Variants in SLC38A12 observed in about 807,000 individuals in gnomAD.
SLC38A12 encodes solute carrier family 38 member 12.
chr17:74,838,902 C>A, the SLC38A12 span: 1 of 1,535,684 alleles, frequency 6.5e-7, no homozygotes, highest in South Asian at 1.2e-5. Flanking sequence ...CCCCCGGGGT[C>A]AGTGATGGGA....
At chr17:74,817,093 GT>G in the SLC38A12 span, among the ~76,000 whole-genome samples, 1 of 148,108 alleles carries the variant, frequency 6.8e-6, no homozygotes, top group African/African-American at 2.5e-5. Flanking sequence ...CTCATCCTTT[GT>G]CACTCCGGAT....
At chr17:74,783,086 C>T in the SLC38A12 span, among the ~76,000 whole-genome samples, 1 of 152,170 alleles carries the variant, frequency 6.6e-6, no homozygotes, top group African/African-American at 2.4e-5. Flanking sequence ...GCCAAGAGCA[C>T]GCCACTGCAC....
At chr17:74,836,835 T>C in the SLC38A12 span, 1 of 1,403,272 alleles carries the variant, frequency 7.1e-7, no homozygotes, top group Non-Finnish European at 9.2e-7. The surrounding 1 kb of genome is among the most constrained non-coding windows in gnomAD (Gnocchi z 4.2). Context: ...GCTGGGGTTG[T>C]TCTCCCCACC....
the SLC38A12 span, chr17:74,838,671 C>G: frequency 7.1e-7 from 1 of 1,413,872 alleles, no homozygotes; most frequent in Non-Finnish European, 9.2e-7. Context: ...TCCTCAGTGT[C>G]CTCCTGCTGT....
At chr17:74,821,857 G>A in the SLC38A12 span, among the ~76,000 whole-genome samples, 1 of 152,214 alleles carries the variant, frequency 6.6e-6, no homozygotes, top group Non-Finnish European at 1.5e-5. Context: ...TCAGCACTGG[G>A]GAGGGGGAAA....
chr17:74,793,075 C>T, the SLC38A12 span, among the ~76,000 whole-genome samples: 3 of 152,140 alleles, frequency 2.0e-5, no homozygotes, highest in South Asian at 6.2e-4. Flanking sequence ...GCCTTTTTTG[C>T]CCCCCACTAC....
chr17:74,779,878 G>A, the SLC38A12 span, among the ~76,000 whole-genome samples: 4 of 152,186 alleles, frequency 2.6e-5, no homozygotes, highest in African/African-American at 9.7e-5. Context: ...TAAAATATTT[G>A]TAACAAGCAG....
the SLC38A12 span, chr17:74,777,273 C>T: frequency 6.2e-7 from 1 of 1,605,892 alleles, no homozygotes; most frequent in Non-Finnish European, 8.5e-7. Flanking sequence ...GGAGCTGCGG[C>T]AGCCGCCGTC....
chr17:74,836,439 A>G, the SLC38A12 span: 1 of 1,608,324 alleles, frequency 6.2e-7, no homozygotes, highest in Non-Finnish European at 8.5e-7. This position sits in a 1 kb window ranked among gnomAD's most constrained non-coding sequence, Gnocchi z 4.2. Context: ...GGCCTTCTGC[A>G]CCCACGACCT....
chr17:74,796,280 TG>T, the SLC38A12 span, among the ~76,000 whole-genome samples: 1 of 152,210 alleles, frequency 6.6e-6, no homozygotes, highest in Non-Finnish European at 1.5e-5. Context: ...GACTCAGAAA[TG>T]TTTTTCTTTA....
the SLC38A12 span, among the ~76,000 whole-genome samples, chr17:74,809,133 A>G: frequency 1.3e-5 from 2 of 152,178 alleles, no homozygotes; most frequent in Non-Finnish European, 1.5e-5. Context: ...GAAATTGAGC[A>G]TGTCATTTAC....
the SLC38A12 span, among the ~76,000 whole-genome samples, chr17:74,831,951 G>T: frequency 6.6e-6 from 1 of 152,216 alleles, no homozygotes; most frequent in Non-Finnish European, 1.5e-5. Flanking sequence ...GTTTCATCTT[G>T]ATTTATGATC....
At chr17:74,777,940 C>T in the SLC38A12 span, among the ~76,000 whole-genome samples, 1 of 152,188 alleles carries the variant, frequency 6.6e-6, no homozygotes, top group Admixed American at 6.5e-5. Context: ...ATGTTCATCT[C>T]CAGGCTACCA....
the SLC38A12 span, among the ~76,000 whole-genome samples, chr17:74,821,052 A>G: frequency 6.6e-6 from 1 of 152,186 alleles, no homozygotes; most frequent in African/African-American, 2.4e-5. Flanking sequence ...GCTGTACAGC[A>G]CAGGGGACAG....
chr17:74,795,181 TC>T, the SLC38A12 span: 1 of 1,312,848 alleles, frequency 7.6e-7, no homozygotes, highest in Non-Finnish European at 1.1e-6. Flanking sequence ...GGGCAGAGTG[TC>T]CAGGGGAGAA....
the SLC38A12 span, among the ~76,000 whole-genome samples, chr17:74,813,174 C>T: frequency 4.6e-5 from 7 of 152,204 alleles, no homozygotes; most frequent in Non-Finnish European, 8.8e-5. Flanking sequence ...GCGTCGCCTG[C>T]GTGCTTCCCT....
At chr17:74,786,427 C>T in the SLC38A12 span, among the ~76,000 whole-genome samples, 1 of 152,252 alleles carries the variant, frequency 6.6e-6, no homozygotes, top group African/African-American at 2.4e-5. Flanking sequence ...GGGGGCCTCA[C>T]CACAAAGATC....
chr17:74,790,897 C>A, the SLC38A12 span: 1 of 1,529,968 alleles, frequency 6.5e-7, no homozygotes, highest in Non-Finnish European at 9.0e-7. Flanking sequence ...TCCTCACCAC[C>A]CTCTGAAGCT....
the SLC38A12 span, among the ~76,000 whole-genome samples, chr17:74,820,698 A>G: frequency 6.6e-6 from 1 of 152,236 alleles, no homozygotes; most frequent in African/African-American, 2.4e-5. Flanking sequence ...CTCTCAGCAC[A>G]GAAGCACTTG....
Sources: allele counts gnomAD v4.1 joint callset (sites outside exome capture counted in the v4.1 genomes callset), GRCh38; gene constraint gnomAD v4.1.1; non-coding constraint Gnocchi (gnomAD v3.1); transcripts MANE v1.5; gene names NCBI Gene and HGNC (gene_info 2026-07-23, HGNC 2026-07-21).